Variants in LTO1 observed in about 807,000 individuals in gnomAD.
LTO1 encodes protein LTO1 homolog.
A neutral mutation model predicts 19.8 loss-of-function variants in LTO1; 18 were observed. That is an observed-to-expected ratio of 0.91 (90% CI 0.63 to 1.35). LTO1 has a LOEUF of 1.35. Ranked by LOEUF, LTO1 falls within the 40% of genes most tolerant of loss-of-function variation. The pLI, the probability that LTO1 is intolerant of heterozygous loss-of-function variation, is 0.00. For synonymous variants in LTO1, 59 were observed against 59.6 expected (o/e 0.99, Z 0.05); for missense variants, 175 against 167.9 (o/e 1.04, Z -0.23).
intron 3 of LTO1, among the ~76,000 whole-genome samples, chr11:69,669,921 C>T (rs1353781453): frequency 1.3e-5 from 2 of 151,996 alleles, no homozygotes; most frequent in African/African-American, 4.8e-5. Context: ...AATGACAATG[C>T]GGTGGCAGGT....
At chr11:69,670,914 T>G (rs1392393748) in intron 3 of LTO1, among the ~76,000 whole-genome samples, 1 of 152,184 alleles carries the variant, frequency 6.6e-6, no homozygotes, top group African/African-American at 2.4e-5. Flanking sequence ...TGTTTGTTTG[T>G]TTTTGAGAAG....
rs1022012693 is a variant in LTO1, at chr11:69,667,205, C to T, written c.*314G>A. ...TTCAGTCCAGGCCTGGTGACTGACC[C>T]TATCCAGAGCCAACTCCAACCCAGA... On this transcript the variant is annotated 3_prime_UTR_variant, in exon 5 of 5. Transcript: ENST00000279147. 7 of 386,134 alleles carry T rather than the reference C, an allele frequency of 1.8e-5. No individual in the cohort carries two copies. Among genetic ancestry groups the T allele is most frequent in the Non-Finnish European group, 2.3e-5 (5 of 216,232 alleles). The allele number at this position is 386,134 out of a possible 1,614,324, so 23.9% of individuals were successfully genotyped here. A position where few individuals can be genotyped will look rare whatever the true frequency, so the allele number is the denominator to read the frequency against.
intron 1 of LTO1, among the ~76,000 whole-genome samples, chr11:69,673,689 CTTTT>C (rs71046532): frequency 8.2e-6 from 1 of 121,214 alleles, no homozygotes; most frequent in African/African-American, 3.0e-5. Flanking sequence ...TTCTTTCTTC[CTTTT>C]TTTTTTTTTT....
At chr11:69,670,530 G>A (rs1349899439) in intron 3 of LTO1, among the ~76,000 whole-genome samples, 4 of 152,196 alleles carry the variant, frequency 2.6e-5, no homozygotes, top group South Asian at 2.1e-4. Flanking sequence ...GAATCCCATC[G>A]ACTCCCAACT....
chr11:69,668,591 C>CT (rs1856065875), intron 3 of LTO1, among the ~76,000 whole-genome samples: 1 of 152,146 alleles, frequency 6.6e-6, no homozygotes, highest in Admixed American at 6.5e-5. Flanking sequence ...CAACACCTCT[C>CT]TACCTGCTTT....
At chr11:69,667,788 G>C in intron 4 of LTO1, 107 bp downstream of exon 4, 1 of 756,746 alleles carries the variant, frequency 1.3e-6, no homozygotes, top group Non-Finnish European at 2.3e-6. Flanking sequence ...GTTCCGCGGC[G>C]CACGCAGCCC....
At chr11:69,669,027 C>CAA (rs33977473) in intron 3 of LTO1, among the ~76,000 whole-genome samples, 11 of 110,614 alleles carry the variant, frequency 9.9e-5, no homozygotes, top group African/African-American at 1.2e-4. Context: ...GAATCCGTCT[C>CAA]AAAAAAAAAA....
At chr11:69,670,747 G>A (rs931692621) in intron 3 of LTO1, among the ~76,000 whole-genome samples, 3 of 152,212 alleles carry the variant, frequency 2.0e-5, no homozygotes, top group African/African-American at 4.8e-5. Context: ...TCAGAATGAC[G>A]CAGAGCACCA....
intron 1 of LTO1, among the ~76,000 whole-genome samples, chr11:69,674,368 T>C (rs760719888): frequency 6.6e-6 from 1 of 152,238 alleles, no homozygotes; most frequent in Non-Finnish European, 1.5e-5. Flanking sequence ...GGAGTAGCAC[T>C]GACCCTGAGG....
intron 1 of LTO1, chr11:69,674,915 G>A (rs756969991): frequency 1.6e-5 from 11 of 679,428 alleles, no homozygotes; most frequent in African/African-American, 3.5e-5. Flanking sequence ...TCGGAGGAGG[G>A]GAACCACCAG....
At chr11:69,674,242 G>C (rs1856155067) in intron 1 of LTO1, among the ~76,000 whole-genome samples, 2 of 152,190 alleles carry the variant, frequency 1.3e-5, no homozygotes, top group African/African-American at 2.4e-5. Context: ...AGTAGCACTA[G>C]CCCAAGTCAA....
Position 69,666,999 on chromosome 11 carries a change from T to C in LTO1, c.*520A>G, listed in dbSNP as rs1856040965. On this transcript the variant is annotated 3_prime_UTR_variant, in exon 5 of 5. Transcript: ENST00000279147. ...CCCTCCCTCCTCTGTAAAATGAGAA[T>C]AACACCCATCTTGTGGGCTCCTGAA... is the stretch of plus-strand genomic sequence containing the variant. 6.5e-6 allele frequency: 1 copy of C among 153,100 alleles called. No homozygotes were observed. The highest frequency in any genetic ancestry group is 6.5e-5 in the Admixed American group (1 of 15,302). 9.5% of individuals were successfully genotyped at this position (153,100 alleles called of 1,614,324 possible).
chr11:69,674,268 T>C (rs1454133778), intron 1 of LTO1, among the ~76,000 whole-genome samples: 1 of 152,148 alleles, frequency 6.6e-6, no homozygotes. Flanking sequence ...TCCAAAAAAC[T>C]GCAACATACA....
intron 4 of LTO1, 24 bp from the exon 5 acceptor site, chr11:69,667,611 T>C: frequency 6.6e-7 from 1 of 1,521,758 alleles, no homozygotes; most frequent in Non-Finnish European, 9.1e-7. Context: ...AGAGATGGTA[T>C]TTTTAATCTT....
Position 69,667,931 on chromosome 11 carries a change from A to G in LTO1, c.309T>C (p.His103=), listed in dbSNP as rs753589242. The G allele has an allele frequency of 1.8e-5, 29 of 1,580,924 alleles. No individual in the cohort carries two copies. Among genetic ancestry groups the G allele is most frequent in the Middle Eastern group, 3.3e-4 (2 of 6,018 alleles). Residue 103 remains histidine, a synonymous_variant, in exon 4 of 5, where the codon CAT becomes CAC. Transcript: ENST00000279147. Reference sequence around the variant, plus strand: ...TTCCTCTGATCTTGTCTAAGTCTTCATGGAGTTTATCGTAAGTAGGGTCAT... The same window carrying G: ...TTCCTCTGATCTTGTCTAAGTCTTCGTGGAGTTTATCGTAAGTAGGGTCAT... The part of the protein sequence containing the change: ...PYDDPTYDKL[H]EDLDKIRGKF...
At chr11:69,672,998 C>T in intron 2 of LTO1, 1 of 582,184 alleles carries the variant, frequency 1.7e-6, no homozygotes, top group South Asian at 1.6e-5. Flanking sequence ...GACAGGGTTT[C>T]ACCATGTTGG....
At chr11:69,675,048 G>T in intron 1 of LTO1, 142 bp downstream of exon 1, 1 of 743,094 alleles carries the variant, frequency 1.3e-6, no homozygotes, top group Non-Finnish European at 2.3e-6. Context: ...ACTTGTCCCT[G>T]CGTCCACGGC....
chr11:69,670,455 C>T (rs189349576), intron 3 of LTO1, among the ~76,000 whole-genome samples: 7 of 152,310 alleles, frequency 4.6e-5, no homozygotes, highest in Non-Finnish European at 8.8e-5. Flanking sequence ...CCTGGGATCC[C>T]CAGCTGCCGG....
chr11:69,668,110 C>T (rs1157137989), intron 3 of LTO1, 98 bp from the exon 4 acceptor site: 21 of 684,870 alleles, frequency 3.1e-5, no homozygotes, highest in Admixed American at 1.1e-4. Flanking sequence ...CCAGCAGGTG[C>T]GCTAAGAATG....
Sources: gnomAD v4.1 joint callset for allele counts (sites outside exome capture counted in the v4.1 genomes callset) on GRCh38, gnomAD v4.1.1 for gene constraint, MANE v1.5 for transcripts, NCBI Gene and HGNC (gene_info 2026-07-23, HGNC 2026-07-21) for gene names.